Variants in TMEM132B observed in about 807,000 individuals in gnomAD.
TMEM132B encodes transmembrane protein 132B.
A neutral mutation model predicts 90.8 loss-of-function variants in TMEM132B; 18 were observed. The ratio of observed to expected loss-of-function variants is 0.20; its 90% confidence interval spans 0.14 to 0.29. The LOEUF is 0.29. TMEM132B is among the 10% of genes least tolerant of loss of function. TMEM132B has a pLI of 1.00. For missense variants in TMEM132B, 1,096 were observed against 1,326.8 expected, an observed-to-expected ratio of 0.83 and a Z score of 2.70; for synonymous variants, 504 against 523.3, an observed-to-expected ratio of 0.96 and a Z score of 0.50.
intron 4 of TMEM132B, among the ~76,000 whole-genome samples, chr12:125,560,818 C>T (rs577573957): frequency 1.2e-4 from 12 of 96,424 alleles, no homozygotes; most frequent in East Asian, 7.9e-4. Context: ...GGTGACAGAG[C>T]GAGACTCTGT....
chr12:125,584,301 C>G (rs554344908), intron 5 of TMEM132B: 1 of 331,194 alleles, frequency 3.0e-6, no homozygotes, highest in African/African-American at 2.1e-5. Flanking sequence ...CCTCGTAAGA[C>G]AATATTTTCC....
At chr12:125,649,763 A>C (rs1886859331) in intron 6 of TMEM132B, among the ~76,000 whole-genome samples, 2 of 152,106 alleles carry the variant, frequency 1.3e-5, no homozygotes, top group African/African-American at 4.8e-5. Flanking sequence ...CACTCTCATA[A>C]AGGGACACAG....
intron 1 of TMEM132B, among the ~76,000 whole-genome samples, chr12:125,252,966 C>T (rs150710696): frequency 5.9e-5 from 9 of 152,316 alleles, no homozygotes; most frequent in East Asian, 1.9e-4. Flanking sequence ...AACTGTAAGA[C>T]GAAAACAACT....
At chr12:125,485,058 C>G (rs1335647529) in intron 3 of TMEM132B, among the ~76,000 whole-genome samples, 1 of 152,144 alleles carries the variant, frequency 6.6e-6, no homozygotes, top group Non-Finnish European at 1.5e-5. Context: ...GGCTCTGAAA[C>G]ATGGGATGAT....
At position 125,458,382 on chromosome 12, in the gene TMEM132B, C is replaced by G. The variant is rs546526386; in HGVS notation, c.1106+42705C>G. ...AACAACTTGGAGCTTGAATAGAAAC[C>G]AGGAAACAGCAGTTTTCAGACACTA... On this transcript the variant is annotated intron_variant, in intron 3 of 8. Coordinates refer to ENST00000682704, the MANE Select transcript of TMEM132B (RefSeq NM_001366854.1). The surrounding 1 kb of genome is among the most constrained non-coding windows in gnomAD (Gnocchi z 4.9). 6.6e-6 allele frequency among the ~76,000 whole-genome samples: 1 copy of G among 152,256 alleles called. No homozygotes were observed. Among genetic ancestry groups the G allele is most frequent in the Admixed American group, 6.5e-5 (1 of 15,294 alleles).
chr12:125,463,022 CT>C (rs1881479945), intron 3 of TMEM132B, among the ~76,000 whole-genome samples: 1 of 152,148 alleles, frequency 6.6e-6, no homozygotes, highest in African/African-American at 2.4e-5. Flanking sequence ...AGCTTTTAAC[CT>C]TGGCATCATG....
chr12:125,231,503 G>C (rs1035670251), intron 1 of TMEM132B, among the ~76,000 whole-genome samples: 1 of 152,148 alleles, frequency 6.6e-6, no homozygotes, highest in Non-Finnish European at 1.5e-5. Flanking sequence ...AGGAGTATTT[G>C]AGCATGTTTG....
chr12:125,311,899 A>G (rs1593079540), intron 1 of TMEM132B, among the ~76,000 whole-genome samples: 1 of 152,178 alleles, frequency 6.6e-6, no homozygotes, highest in South Asian at 2.1e-4. Context: ...TAGATGAGAG[A>G]TGTTCCAGAT....
intron 1 of TMEM132B, among the ~76,000 whole-genome samples, chr12:125,257,990 C>G (rs993537806): frequency 6.6e-5 from 10 of 152,238 alleles, no homozygotes; most frequent in African/African-American, 2.4e-4. Context: ...CCACCAAGTT[C>G]ATTTCAGCAC....
At chr12:125,596,641 T>A (rs1381268945) in intron 5 of TMEM132B, among the ~76,000 whole-genome samples, 1 of 152,192 alleles carries the variant, frequency 6.6e-6, no homozygotes, top group Non-Finnish European at 1.5e-5. Context: ...AGCCTTTTTT[T>A]AAAGAGTAAA....
chr12:125,617,300 T>A (rs917143473), intron 5 of TMEM132B, among the ~76,000 whole-genome samples: 4 of 151,962 alleles, frequency 2.6e-5, no homozygotes, highest in Non-Finnish European at 5.9e-5. Context: ...ATGCTGATAG[T>A]CACCCTGCTA....
chr12:125,408,499 G>A lies in TMEM132B; in HGVS notation c.960-7032G>A, dbSNP rs1879580814. On this transcript the variant is annotated intron_variant, in intron 2 of 8. Coordinates refer to ENST00000682704, the MANE Select transcript of TMEM132B (RefSeq NM_001366854.1). The surrounding 1 kb of genome is among the most constrained non-coding windows in gnomAD (Gnocchi z 5.9). ...CTATAAAAAAGCAAGCTCTCACCCG[G>A]CACTGAAACTGCTGACATCTTGCTC... Among the ~76,000 whole-genome samples the A allele has an allele frequency of 1.3e-5, 2 of 152,140 alleles. No homozygotes were observed. The highest frequency in any genetic ancestry group is 1.3e-4 in the Admixed American group (2 of 15,276).
At chr12:125,301,105 T>C (rs1289373213) in intron 1 of TMEM132B, 2 of 152,184 alleles carry the variant, frequency 1.3e-5, no homozygotes, top group Non-Finnish European at 2.9e-5. Flanking sequence ...ATTTCGAGCA[T>C]TTGACCTAAG....
chr12:125,444,097 A>G (rs1880943225), intron 3 of TMEM132B, among the ~76,000 whole-genome samples: 1 of 152,212 alleles, frequency 6.6e-6, no homozygotes, highest in South Asian at 2.1e-4. Context: ...GCTCTCATAT[A>G]CATACAAAGA....
intron 4 of TMEM132B, among the ~76,000 whole-genome samples, chr12:125,521,228 C>G (rs529656269): frequency 7.2e-5 from 11 of 152,224 alleles, no homozygotes; most frequent in Non-Finnish European, 1.3e-4. Flanking sequence ...TCCTCCTTCT[C>G]TTCCTCTTCC....
intron 1 of TMEM132B, among the ~76,000 whole-genome samples, chr12:125,234,549 G>A (rs76551989): frequency 2.6e-4 from 40 of 152,266 alleles, no homozygotes; most frequent in East Asian, 5.8e-4. Context: ...GGGGCCCAAC[G>A]ATCCATGTTG....
intron 3 of TMEM132B, among the ~76,000 whole-genome samples, chr12:125,478,058 G>A (rs1420467377): frequency 6.6e-6 from 1 of 152,144 alleles, no homozygotes; most frequent in Non-Finnish European, 1.5e-5. Flanking sequence ...AAATGGAAAG[G>A]AATAGCATCA....
chr12:125,545,040 A>G lies in TMEM132B; in HGVS notation c.1293+25415A>G, dbSNP rs146788919. 8.4e-4 allele frequency among the ~76,000 whole-genome samples: 128 copies of G among 152,204 alleles called. 1 individual carries two copies. The East Asian group carries it at 0.018, about 22-fold the overall frequency. ...ACTGTAGGCTTGTTTCATGGGGGAG[A>G]GAGAGATTACCCAATACTGAGTAAG... is the stretch of plus-strand genomic sequence containing the variant. On this transcript the variant is annotated intron_variant, in intron 4 of 8. Transcript: ENST00000682704.
chr12:125,300,700 T>C (rs1277453405), intron 1 of TMEM132B, among the ~76,000 whole-genome samples: 1 of 152,228 alleles, frequency 6.6e-6, no homozygotes, highest in Admixed American at 6.5e-5. Context: ...CATTAGCTCA[T>C]TTTATAGATA....
Sources: gnomAD v4.1 joint callset for allele counts (sites outside exome capture counted in the v4.1 genomes callset) on GRCh38, gnomAD v4.1.1 for gene constraint, Gnocchi (gnomAD v3.1) non-coding constraint, MANE v1.5 for transcripts, NCBI Gene and HGNC (gene_info 2026-07-23, HGNC 2026-07-21) for gene names.